The following GRM8 variants were observed in gnomAD, a reference collection of about 807,000 sequenced individuals.
GRM8 encodes metabotropic glutamate receptor 8.
GRM8 carries 47 observed loss-of-function variants against 87.2 expected under a neutral mutation model. The ratio of observed to expected loss-of-function variants is 0.54; its 90% CI spans 0.43 to 0.69. The LOEUF is 0.69. Ranked by LOEUF, GRM8 falls within the 30% of genes least tolerant of loss-of-function variation. The pLI is 0.00. For synonymous variants in GRM8, 396 were observed against 404.5 expected, an observed-to-expected ratio of 0.98 and a Z score of 0.25; for missense variants, 1,019 against 1,139.2, an observed-to-expected ratio of 0.89 and a Z score of 1.52.
chr7:126,857,672 G>A (rs1797804456), intron 6 of GRM8, among the ~76,000 whole-genome samples: 1 of 152,142 alleles, frequency 6.6e-6, no homozygotes, highest in African/African-American at 2.4e-5. Flanking sequence ...GGTTAAAATA[G>A]CCTTTGTATA....
At chr7:127,233,837 C>G (rs1797835527) in intron 2 of GRM8, among the ~76,000 whole-genome samples, 1 of 152,184 alleles carries the variant, frequency 6.6e-6, no homozygotes, top group Non-Finnish European at 1.5e-5. Context: ...ATTCTAGAAA[C>G]AGATAACAGT....
At chr7:126,540,726 G>C (rs889388346) in intron 8 of GRM8, among the ~76,000 whole-genome samples, 4 of 152,094 alleles carry the variant, frequency 2.6e-5, no homozygotes, top group African/African-American at 9.7e-5. Flanking sequence ...ATAACATCCA[G>C]AATAGGCAAA....
intron 6 of GRM8, among the ~76,000 whole-genome samples, chr7:126,823,049 A>G (rs1182299878): frequency 6.6e-6 from 1 of 152,224 alleles, no homozygotes; most frequent in Non-Finnish European, 1.5e-5. Context: ...TATGCCACCA[A>G]ACCTACTAAG....
At chr7:126,646,306 A>AAGGAAGGAAGGAAGGAAGGAAGGAAG (rs1554436859) in intron 7 of GRM8, among the ~76,000 whole-genome samples, 10 of 35,754 alleles carry the variant, frequency 2.8e-4, no homozygotes, top group East Asian at 1.8e-3. Context: ...AAGGAAGGAA[A>AAGGAAGGAAGGAAGGAAGGAAGGAAG]GAAGGAAGGA....
intron 7 of GRM8, among the ~76,000 whole-genome samples, chr7:126,647,483 C>G (rs1313999095): frequency 1.3e-5 from 2 of 151,932 alleles, no homozygotes; most frequent in South Asian, 2.1e-4. Context: ...CAGCCTATTC[C>G]CTTCTTCAAA....
At chr7:126,538,011 T>C (rs1303642258) in intron 8 of GRM8, among the ~76,000 whole-genome samples, 1 of 152,196 alleles carries the variant, frequency 6.6e-6, no homozygotes. Context: ...CAGTCTGAAA[T>C]ACATGGTATA....
At chr7:126,637,599 C>A (rs1452083015) in intron 7 of GRM8, among the ~76,000 whole-genome samples, 1 of 152,126 alleles carries the variant, frequency 6.6e-6, no homozygotes, top group Non-Finnish European at 1.5e-5. Flanking sequence ...TTTCTCCTTG[C>A]ACAAAATATT....
intron 9 of GRM8, among the ~76,000 whole-genome samples, chr7:126,447,425 C>T (rs1015467304): frequency 2.0e-5 from 3 of 151,730 alleles, no homozygotes; most frequent in Admixed American, 6.6e-5. Flanking sequence ...GTCATATCTA[C>T]GACCCTCATT....
At chr7:126,868,099 G>T (rs1798763165) in intron 6 of GRM8, among the ~76,000 whole-genome samples, 1 of 152,196 alleles carries the variant, frequency 6.6e-6, no homozygotes, top group Non-Finnish European at 1.5e-5. Context: ...AGTGCTCTCA[G>T]GCACAGGGCC....
intron 6 of GRM8, among the ~76,000 whole-genome samples, chr7:126,835,535 T>TA (rs1445599315): frequency 2.0e-5 from 3 of 151,996 alleles, no homozygotes; most frequent in Admixed American, 6.6e-5. Flanking sequence ...TGATAAGCAT[T>TA]AAAAAAAAGT....
At chr7:127,046,397 A>G (rs1175297895) in intron 3 of GRM8, among the ~76,000 whole-genome samples, 1 of 152,034 alleles carries the variant, frequency 6.6e-6, no homozygotes, top group African/African-American at 2.4e-5. Flanking sequence ...TAAAAAAAAA[A>G]GAAAATCATT....
chr7:126,929,765 T>C (rs1805543434), intron 3 of GRM8, among the ~76,000 whole-genome samples: 1 of 31,088 alleles, frequency 3.2e-5, no homozygotes, highest in South Asian at 1.3e-3. Context: ...CACATGAGGC[T>C]AGTGTCTATC....
At chr7:127,136,587 C>T (rs1000291068) in intron 2 of GRM8, among the ~76,000 whole-genome samples, 9 of 151,902 alleles carry the variant, frequency 5.9e-5, no homozygotes, top group African/African-American at 1.9e-4. Context: ...TTATTCAGAT[C>T]TTTCAAATCC....
At chr7:126,649,985 G>A (rs1332770881) in intron 7 of GRM8, among the ~76,000 whole-genome samples, 1 of 152,162 alleles carries the variant, frequency 6.6e-6, no homozygotes, top group Non-Finnish European at 1.5e-5. Flanking sequence ...TTGGAACAAG[G>A]CTCTGCCATC....
intron 7 of GRM8, among the ~76,000 whole-genome samples, chr7:126,752,546 C>G (rs776902476): frequency 6.6e-6 from 1 of 151,938 alleles, no homozygotes; most frequent in Non-Finnish European, 1.5e-5. Context: ...ATGCCTGGAC[C>G]CTAAACACTG....
intron 9 of GRM8, among the ~76,000 whole-genome samples, chr7:126,509,987 C>A (rs928029108): frequency 5.3e-5 from 8 of 152,000 alleles, no homozygotes; most frequent in South Asian, 4.1e-4. Flanking sequence ...CACATACACA[C>A]ACATGCACAC....
intron 3 of GRM8, among the ~76,000 whole-genome samples, chr7:126,996,090 T>C (rs1813151651): frequency 6.6e-6 from 1 of 152,094 alleles, no homozygotes; most frequent in Non-Finnish European, 1.5e-5. Context: ...TACCCTGGAA[T>C]AGTATATTCT....
intron 2 of GRM8, among the ~76,000 whole-genome samples, chr7:127,146,496 G>A (rs1157595163): frequency 6.6e-6 from 1 of 152,012 alleles, no homozygotes; most frequent in Non-Finnish European, 1.5e-5. Context: ...AGGGAAACAA[G>A]GGAAACCCAG....
At chr7:126,457,285 A>G (rs935979737) in intron 9 of GRM8, among the ~76,000 whole-genome samples, 2 of 151,694 alleles carry the variant, frequency 1.3e-5, no homozygotes, top group East Asian at 1.9e-4. Context: ...TATATAAAAC[A>G]TGATACAAAA....
Sources: allele counts gnomAD v4.1 joint callset (sites outside exome capture counted in the v4.1 genomes callset), GRCh38; gene constraint gnomAD v4.1.1; transcripts MANE v1.5; gene names NCBI Gene and HGNC (gene_info 2026-07-23, HGNC 2026-07-21).